GLYCTK: variants seen among roughly 807,000 people sequenced by gnomAD.
GLYCTK encodes glycerate kinase.
A neutral mutation model predicts 24.8 loss-of-function variants in GLYCTK; 22 were observed. The ratio of observed to expected loss-of-function variants is 0.89; its 90% confidence interval spans 0.63 to 1.27. The LOEUF (loss-of-function observed/expected upper bound fraction) is 1.27, where lower values mean the gene tolerates loss of function less well. GLYCTK is among the 50% of genes most tolerant of loss of function. GLYCTK has a pLI of 0.00. For missense variants in GLYCTK, 684 were observed against 686.7 expected (o/e 1.00, Z 0.04); for synonymous variants, 320 against 297.2 (o/e 1.08, Z -0.79).
rs994566533 is a variant in GLYCTK at position 52,295,136 on chromosome 3, C to G, written c.*2010C>G. 4 of 453,956 alleles carry G rather than the reference C, an allele frequency of 8.8e-6. No individual in the cohort carries two copies. Among genetic ancestry groups the G allele is most frequent in the African/African-American group, 8.0e-5 (4 of 49,988 alleles). The allele number at this position is 453,956 out of a possible 1,614,324, so 28.1% of individuals were successfully genotyped here. A position where few individuals can be genotyped will look rare whatever the true frequency, so the allele number is the denominator to read the frequency against. On this transcript the variant is annotated 3_prime_UTR_variant, in exon 5 of 5. Coordinates refer to ENST00000436784, the MANE Select transcript of GLYCTK (RefSeq NM_145262.4). Reference sequence around the variant, plus strand: ...CCGTTAGATTTGCTCACTGGATACCCCAGAGATAAGAAAGGATGTATTTGG... The same window carrying G: ...CCGTTAGATTTGCTCACTGGATACCGCAGAGATAAGAAAGGATGTATTTGG...
Position 52,291,916 on chromosome 3 carries a change from TGCCCAGGTATGAG to T in GLYCTK, c.700_705+7del. The T allele has an allele frequency of 6.2e-7, 1 of 1,612,430 alleles. No individual in the cohort carries two copies. Among genetic ancestry groups the T allele is most frequent in the Non-Finnish European group, 8.5e-7 (1 of 1,179,260 alleles). ...GGGGGCTGGCTCAGGCCGCCTACCC[TGCCCAGGTATGAG>T]TCCCTTCTTCCCCAGGCAACCTTGG... On this transcript the variant is annotated splice_donor_variant and splice_donor_5th_base_variant and coding_sequence_variant and intron_variant, in exon 4 of 5. Coordinates refer to ENST00000436784, the MANE Select transcript of GLYCTK (RefSeq NM_145262.4). LOFTEE classifies it high-confidence loss of function.
At chr3:52,288,576 A>G (rs183578450) in intron 1 of GLYCTK, 7 of 152,372 alleles carry the variant, frequency 4.6e-5, no homozygotes, top group East Asian at 1.9e-4. Context: ...TTGTATGCAC[A>G]TACTTATACT....
chr3:52,290,228 G>A (rs1700416720), intron 1 of GLYCTK, 76 bp from the exon 2 acceptor site: 2 of 1,245,552 alleles, frequency 1.6e-6, no homozygotes, highest in Non-Finnish European at 2.2e-6. Context: ...CTGGCCCTGA[G>A]CCCTCAGAGG....
Position 52,293,193 on chromosome 3 carries a change from G to T in GLYCTK, c.*67G>T. On this transcript the variant is annotated 3_prime_UTR_variant, in exon 5 of 5. Transcript: ENST00000436784. ...GGGCAAGGTCAGATGGCAGAGCAAG[G>T]TTGGTCCTCAGGGCCTCTCTAAGCC... is the stretch of plus-strand genomic sequence containing the variant. 6.3e-7 allele frequency: 1 copy of T among 1,578,890 alleles called. No individual in the cohort carries two copies.
chr3:52,291,378 C>T (rs1400823156), intron 3 of GLYCTK: 4 of 589,872 alleles, frequency 6.8e-6, no homozygotes, highest in Admixed American at 5.9e-5. Context: ...CTGACACATC[C>T]GTAGAGTCCT....
chr3:52,292,704 C>T lies in GLYCTK; in HGVS notation c.1150C>T (p.Pro384Ser). The change falls in exon 5 of 5, where the codon CCA becomes TCA. Residue 384 changes from proline to serine, a missense_variant. Pro to Ser is a moderately conservative substitution (Grantham distance 74). Transcript: ENST00000436784. ...TGAGCTGGCAGCTGAGCTTCAGATC[C>T]CAGACCTGCAGCTGGAGGAGGCTCT... ...LHELAAELQI[P>S]DLQLEEALET... 1 of 1,609,116 alleles carries T rather than the reference C, an allele frequency of 6.2e-7. No individual in the cohort carries two copies. The highest frequency in any genetic ancestry group is 1.1e-5 in the South Asian group (1 of 90,716).
Position 52,295,203 on chromosome 3 carries a change from A to C in GLYCTK, c.*2077A>C. The C allele has an allele frequency of 2.2e-6, 1 of 452,992 alleles. No homozygotes were observed. The highest frequency in any genetic ancestry group is 4.4e-6 in the Non-Finnish European group (1 of 225,974). The allele number at this position is 452,992 out of a possible 1,614,324, so 28.1% of individuals were successfully genotyped here. On this transcript the variant is annotated 3_prime_UTR_variant, in exon 5 of 5. Transcript: ENST00000436784. ...GAGATGAGAAAACCCTGCACAGTGA[A>C]TGTTTTGATAGGATTCATTACTTGC...
chr3:52,292,198 C>T, intron 4 of GLYCTK, 62 bp from the exon 5 acceptor site: 3 of 1,605,374 alleles, frequency 1.9e-6, no homozygotes, highest in Non-Finnish European at 1.7e-6. Context: ...GGCAGTTTGT[C>T]CTTATGGGCT....
rs1228919314 is a variant in GLYCTK at position 52,295,166 on chromosome 3, A to G, written c.*2040A>G. On this transcript the variant is annotated 3_prime_UTR_variant, in exon 5 of 5. Transcript: ENST00000436784. ...GATAAGAAAGGATGTATTTGGCCAC[A>G]GTCTAAATGCTGAGATGAGAAAACC... 8.8e-6 allele frequency: 4 copies of G among 454,162 alleles called. No homozygotes were observed. Among genetic ancestry groups the G allele is most frequent in the South Asian group, 6.2e-5 (4 of 64,480 alleles). The allele number at this position is 454,162 out of a possible 1,614,324, so 28.1% of individuals were successfully genotyped here.
chr3:52,290,929 A>C, intron 2 of GLYCTK, 31 bp from the exon 3 acceptor site: 1 of 1,613,590 alleles, frequency 6.2e-7, no homozygotes, highest in Non-Finnish European at 8.5e-7. Context: ...AGTCCACCCC[A>C]TCTCTTGCGT....
chr3:52,295,128 T>A lies in GLYCTK; in HGVS notation c.*2002T>A, dbSNP rs1700600757. Reference sequence around the variant, plus strand: ...AGCCTAACCCGTTAGATTTGCTCACTGGATACCCCAGAGATAAGAAAGGAT... The same window carrying A: ...AGCCTAACCCGTTAGATTTGCTCACAGGATACCCCAGAGATAAGAAAGGAT... On this transcript the variant is annotated 3_prime_UTR_variant, in exon 5 of 5. Coordinates refer to ENST00000436784, the MANE Select transcript of GLYCTK (RefSeq NM_145262.4). The A allele has an allele frequency of 4.4e-6, 2 of 453,986 alleles. No homozygotes were observed. Among genetic ancestry groups the A allele is most frequent in the Non-Finnish European group, 8.8e-6 (2 of 226,802 alleles). The allele number at this position is 453,986 out of a possible 1,614,324, so 28.1% of individuals were successfully genotyped here. A position where few individuals can be genotyped will look rare whatever the true frequency, so the allele number is the denominator to read the frequency against.
rs1346682691 is a variant in GLYCTK at position 52,294,159 on chromosome 3, G to A, written c.*1033G>A. On this transcript the variant is annotated 3_prime_UTR_variant, in exon 5 of 5. Transcript: ENST00000436784. The stretch of plus-strand genomic sequence containing the variant: ...CCAGCAGCCTGGGTTGAGAGAGGGA[G>A]GTGCCACTGTCCTGCCTCCTTTTGA... 2 of 532,314 alleles carry A rather than the reference G, an allele frequency of 3.8e-6. No homozygotes were observed. The highest frequency in any genetic ancestry group is 5.4e-5 in the East Asian group (1 of 18,358). The allele number at this position is 532,314 out of a possible 1,614,324, so 33.0% of individuals were successfully genotyped here. A position where few individuals can be genotyped will look rare whatever the true frequency, so the allele number is the denominator to read the frequency against.
At position 52,288,129 on chromosome 3, in the gene GLYCTK, G is replaced by A. The variant is rs1700345545; in HGVS notation, c.-40+253G>A. 3.4e-5 allele frequency: 6 copies of A among 177,510 alleles called. No individual in the cohort carries two copies. The South Asian group carries it at 4.3e-4, about 13-fold the overall frequency. 11.0% of individuals were successfully genotyped at this position (177,510 alleles called of 1,614,324 possible). A position where few individuals can be genotyped will look rare whatever the true frequency, so the allele number is the denominator to read the frequency against. On this transcript the variant is annotated intron_variant, in intron 1 of 4. Coordinates refer to ENST00000436784, the MANE Select transcript of GLYCTK (RefSeq NM_145262.4). ...GACCGGTAGTCTTCCTATTTCCGTT[G>A]TTTTGCTCTGGAGCCTCCCGGAGTT...
Position 52,292,673 on chromosome 3 carries a change from G to A in GLYCTK, c.1119G>A (p.Gln373=). Residue 373 remains glutamine, a synonymous_variant, in exon 5 of 5, where the codon CAG becomes CAA. Transcript: ENST00000436784. ...MAGASVEEDA[Q]LHELAAELQI... is the part of the protein sequence containing the mutation. ...GGGCTTCTGTGGAGGAAGATGCACAGCTCCATGAGCTGGCAGCTGAGCTTC... is the reference window on the plus strand; with the variant it reads ...GGGCTTCTGTGGAGGAAGATGCACAACTCCATGAGCTGGCAGCTGAGCTTC... The A allele has an allele frequency of 6.2e-7, 1 of 1,606,348 alleles. No homozygotes were observed. Among genetic ancestry groups the A allele is most frequent in the Non-Finnish European group, 8.5e-7 (1 of 1,174,674 alleles).
Position 52,294,031 on chromosome 3 carries a change from G to A in GLYCTK, c.*905G>A. The A allele has an allele frequency of 2.3e-6, 1 of 429,492 alleles. No homozygotes were observed. Among genetic ancestry groups the A allele is most frequent in the Non-Finnish European group, 4.7e-6 (1 of 210,768 alleles). The allele number at this position is 429,492 out of a possible 1,614,324, so 26.6% of individuals were successfully genotyped here. ...CAGTGGGGGTCCCAGCACTGGGATG[G>A]TGGGTCCAGCCAGTGATGAGGTCCA... On this transcript the variant is annotated 3_prime_UTR_variant, in exon 5 of 5. Transcript: ENST00000436784.
In GLYCTK at chr3:52,290,957, C is replaced by T. The variant is rs1394122235; in HGVS notation, c.378-3C>T. On this transcript the variant is annotated splice_region_variant and splice_polypyrimidine_tract_variant and intron_variant, in intron 2 of 4. Transcript: ENST00000436784. Reference sequence around the variant, plus strand: ...TCTTGCGTGCTGACCTTTCCCTCCCCAGGGAGATGCTGCTGAAGCCACATA... The same window carrying T: ...TCTTGCGTGCTGACCTTTCCCTCCCTAGGGAGATGCTGCTGAAGCCACATA... 6.2e-7 allele frequency: 1 copy of T among 1,614,022 alleles called. No individual in the cohort carries two copies. Among genetic ancestry groups the T allele is most frequent in the Admixed American group, 1.7e-5 (1 of 60,020 alleles).
rs1475625236 is a variant in GLYCTK at position 52,293,626 on chromosome 3, G to A, written c.*500G>A. On this transcript the variant is annotated 3_prime_UTR_variant, in exon 5 of 5. Coordinates refer to ENST00000436784, the MANE Select transcript of GLYCTK (RefSeq NM_145262.4). ...ACGTGCAGGATGTGCCTCGCATAAC[G>A]GGAGCCTGTGCCCATCCCTCTGGAG... 11 of 454,610 alleles carry A rather than the reference G, an allele frequency of 2.4e-5. No homozygotes were observed. The highest frequency in any genetic ancestry group is 3.5e-5 in the Non-Finnish European group (8 of 227,216). 28.2% of individuals were successfully genotyped at this position (454,610 alleles called of 1,614,324 possible). A position where few individuals can be genotyped will look rare whatever the true frequency, so the allele number is the denominator to read the frequency against.
chr3:52,290,284 G>C lies in GLYCTK; in HGVS notation c.-39-20G>C. On this transcript the variant is annotated intron_variant, in intron 1 of 4. Transcript: ENST00000436784. ...TGTCTTTTGCCTTGCAAGGGCCTCA[G>C]TTGTGCTTTTTCCCTCTAGGCAGCC... is the stretch of plus-strand genomic sequence containing the variant. 1 of 1,573,980 alleles carries C rather than the reference G, an allele frequency of 6.4e-7. No homozygotes were observed. The highest frequency in any genetic ancestry group is 8.6e-7 in the Non-Finnish European group (1 of 1,164,624).
rs374483919 is a variant in GLYCTK at position 52,292,420 on chromosome 3, C to A, written c.866C>A (p.Ser289Tyr). 1 of 1,613,614 alleles carries A rather than the reference C, an allele frequency of 6.2e-7. No individual in the cohort carries two copies. Among genetic ancestry groups the A allele is most frequent in the Non-Finnish European group, 8.5e-7 (1 of 1,179,948 alleles). ...ALPRSVKTVL[S>Y]RADSDPHGPH... ...CCACGTTCTGTGAAGACTGTGCTGT[C>A]TCGGGCCGACTCTGACCCCCATGGG... Residue 289 changes from serine to tyrosine, a missense_variant, in exon 5 of 5, where the codon TCT becomes TAT. Coordinates refer to ENST00000436784, the MANE Select transcript of GLYCTK (RefSeq NM_145262.4).
Sources: allele counts gnomAD v4.1 joint callset, GRCh38; gene constraint gnomAD v4.1.1; transcripts MANE v1.5; gene names NCBI Gene and HGNC (gene_info 2026-07-23, HGNC 2026-07-21).